The following CTNNA3 variants were observed in gnomAD, a reference collection of about 807,000 sequenced individuals.
CTNNA3 encodes catenin alpha-3.
CTNNA3 carries 76 observed loss-of-function variants against 95.7 expected under a neutral mutation model. The observed-to-expected ratio is 0.79, with a 90% CI of 0.66 to 0.96. CTNNA3 has a LOEUF of 0.96. Ranked by LOEUF, CTNNA3 falls within the 40% of genes least tolerant of loss-of-function variation. The pLI is 0.00. For missense variants in CTNNA3, 1,191 were observed against 1,089.8 expected (o/e 1.09, Z -1.31); for synonymous variants, 431 against 374.4 (o/e 1.15, Z -1.74).
At chr10:65,975,332 A>G (rs2078189851) in intron 16 of CTNNA3, among the ~76,000 whole-genome samples, 1 of 152,084 alleles carries the variant, frequency 6.6e-6, no homozygotes, top group Non-Finnish European at 1.5e-5. Flanking sequence ...CCTCAAAAGG[A>G]TTATATTGTA....
intron 1 of CTNNA3, among the ~76,000 whole-genome samples, chr10:67,734,457 C>G (rs1191223908): frequency 6.6e-6 from 1 of 151,974 alleles, no homozygotes; most frequent in Non-Finnish European, 1.5e-5. Context: ...TATATATGAT[C>G]CTGGGGAAAG....
chr10:67,386,302 G>A (rs560656452), intron 5 of CTNNA3, among the ~76,000 whole-genome samples: 5 of 152,142 alleles, frequency 3.3e-5, no homozygotes, highest in South Asian at 2.1e-4. Context: ...ATTTATTTAC[G>A]TTCGGTCCTG....
intron 7 of CTNNA3, among the ~76,000 whole-genome samples, chr10:66,965,572 T>A (rs1849368552): frequency 1.3e-5 from 2 of 150,234 alleles, no homozygotes; most frequent in Non-Finnish European, 1.5e-5. Context: ...GCTGTTTTTT[T>A]TTTTTTTGTA....
chr10:66,068,832 AT>A (rs1189945185), intron 15 of CTNNA3, among the ~76,000 whole-genome samples: 2 of 152,134 alleles, frequency 1.3e-5, no homozygotes, highest in Non-Finnish European at 1.5e-5. Flanking sequence ...CACAATGTAC[AT>A]TTTTTTCATG....
intron 13 of CTNNA3, among the ~76,000 whole-genome samples, chr10:66,208,263 G>A (rs2087894669): frequency 6.6e-6 from 1 of 151,964 alleles, no homozygotes; most frequent in Non-Finnish European, 1.5e-5. Context: ...TCAAACAAGG[G>A]AAAGAGAAAC....
At chr10:66,937,638 A>G (rs1847782303) in intron 7 of CTNNA3, among the ~76,000 whole-genome samples, 1 of 152,086 alleles carries the variant, frequency 6.6e-6, no homozygotes, top group South Asian at 2.1e-4. Context: ...CATAAAACCA[A>G]TGTCCTCAGC....
chr10:66,982,473 C>A (rs780438526), intron 7 of CTNNA3, among the ~76,000 whole-genome samples: 1 of 152,042 alleles, frequency 6.6e-6, no homozygotes, highest in African/African-American at 2.4e-5. Flanking sequence ...ATGTAAAGCA[C>A]CCAGGACAAT....
chr10:66,225,211 C>A (rs1039616436), intron 13 of CTNNA3, among the ~76,000 whole-genome samples: 1 of 151,602 alleles, frequency 6.6e-6, no homozygotes, highest in Non-Finnish European at 1.5e-5. Flanking sequence ...TCCTACCAAT[C>A]CCAGCTTCTA....
chr10:66,978,526 C>CAAAAA (rs1170594360), intron 7 of CTNNA3, among the ~76,000 whole-genome samples: 16 of 42,320 alleles, frequency 3.8e-4, no homozygotes, highest in East Asian at 9.6e-4. Context: ...GACTCCATCT[C>CAAAAA]AAAAAAAAAA....
rs1284046282 is a variant in CTNNA3 at position 66,927,081 on chromosome 10, A to G, written c.1048-151557T>C. On this transcript the variant is annotated intron_variant, in intron 7 of 17. Coordinates refer to ENST00000433211, the MANE Select transcript of CTNNA3 (RefSeq NM_013266.4). This position sits in a 1 kb window ranked among gnomAD's most constrained non-coding sequence, Gnocchi z 4.7. ...GTGAATCTCAGAAATTACAGGAGAT[A>G]CCCTCAAGTATATCTGCTGGTTGCT... 6.2e-7 allele frequency: 1 copy of G among 1,614,178 alleles called. No individual in the cohort carries two copies.
intron 15 of CTNNA3, among the ~76,000 whole-genome samples, chr10:66,018,656 T>TA (rs1424790084): frequency 6.6e-6 from 1 of 152,134 alleles, no homozygotes; most frequent in Non-Finnish European, 1.5e-5. Context: ...CTACAGAGAA[T>TA]AATCAATTGT....
At chr10:66,253,868 C>T (rs538103879) in intron 13 of CTNNA3, among the ~76,000 whole-genome samples, 1 of 152,144 alleles carries the variant, frequency 6.6e-6, no homozygotes, top group African/African-American at 2.4e-5. Context: ...GTGCATATTC[C>T]AGGGACTATG....
intron 10 of CTNNA3, among the ~76,000 whole-genome samples, chr10:66,621,133 G>C (rs1844731046): frequency 6.6e-6 from 1 of 151,522 alleles, no homozygotes; most frequent in South Asian, 2.1e-4. Flanking sequence ...TACCTTCTTT[G>C]ATAAAAGAAA....
At chr10:66,026,363 T>G (rs1589264001) in intron 15 of CTNNA3, among the ~76,000 whole-genome samples, 1 of 152,184 alleles carries the variant, frequency 6.6e-6, no homozygotes, top group Non-Finnish European at 1.5e-5. Flanking sequence ...TTGAACTGAG[T>G]TCCATCACTC....
At chr10:66,449,111 G>C (rs2093444889) in intron 11 of CTNNA3, among the ~76,000 whole-genome samples, 1 of 151,884 alleles carries the variant, frequency 6.6e-6, no homozygotes, top group Non-Finnish European at 1.5e-5. Flanking sequence ...AAAAATCCTA[G>C]AAAATATATG....
At chr10:66,074,700 T>G (rs2080514852) in intron 14 of CTNNA3, among the ~76,000 whole-genome samples, 1 of 151,954 alleles carries the variant, frequency 6.6e-6, no homozygotes, top group African/African-American at 2.4e-5. Flanking sequence ...ATGTTCATAT[T>G]GTTCTCTCTT....
chr10:67,204,233 T>C (rs1189931039), intron 6 of CTNNA3, among the ~76,000 whole-genome samples: 1 of 152,132 alleles, frequency 6.6e-6, no homozygotes, highest in Non-Finnish European at 1.5e-5. Flanking sequence ...TAACCACTAA[T>C]GTTGGAGGAG....
chr10:66,024,084 C>CTTTTTT lies in CTNNA3; in HGVS notation c.2160-35288_2160-35287insAAAAAA, dbSNP rs1183185763. ...TTATCACAGAAACTTATACCATACA[C>CTTTTTT]ATTTTTTTTTTTTTTTTTTTTTTGA... On this transcript the variant is annotated intron_variant, in intron 15 of 17. Coordinates refer to ENST00000433211, the MANE Select transcript of CTNNA3 (RefSeq NM_013266.4). Among the ~76,000 whole-genome samples the CTTTTTT allele has an allele frequency of 3.0e-4, 19 of 62,680 alleles. 1 individual carries two copies. The highest frequency in any genetic ancestry group is 7.7e-4 in the African/African-American group (15 of 19,400). 41.1% of individuals were successfully genotyped at this position (62,680 alleles called of 152,430 possible).
At chr10:67,196,716 T>C (rs1193279036) in intron 6 of CTNNA3, among the ~76,000 whole-genome samples, 3 of 152,096 alleles carry the variant, frequency 2.0e-5, no homozygotes, top group African/African-American at 7.2e-5. Context: ...ATCAATAATA[T>C]GATAAACTTT....
Sources: gnomAD v4.1 joint callset for allele counts (sites outside exome capture counted in the v4.1 genomes callset) on GRCh38, gnomAD v4.1.1 for gene constraint, Gnocchi (gnomAD v3.1) non-coding constraint, MANE v1.5 for transcripts, NCBI Gene and HGNC (gene_info 2026-07-23, HGNC 2026-07-21) for gene names.